SGCZ: variants seen among roughly 807,000 people sequenced by gnomAD.
SGCZ encodes the protein sarcoglycan zeta.
A neutral mutation model predicts 41.3 loss-of-function variants in SGCZ; 40 were observed. The observed-to-expected ratio is 0.97, with a 90% CI of 0.75 to 1.26. The LOEUF is 1.26. Ranked by LOEUF, SGCZ falls within the 50% of genes most tolerant of loss-of-function variation. The pLI is 0.00. For missense variants in SGCZ, 552 were observed against 369.8 expected (o/e 1.49, Z -4.04); for synonymous variants, 206 against 137.5 (o/e 1.50, Z -3.49).
intron 2 of SGCZ, among the ~76,000 whole-genome samples, chr8:14,386,473 C>T (rs3860041): frequency 0.015 from 2,271 of 152,254 alleles, 59 homozygotes; most frequent in African/African-American, 0.051. Context: ...AAATCTGATA[C>T]TGAACACACA....
chr8:14,375,284 T>C (rs903307480), intron 2 of SGCZ, among the ~76,000 whole-genome samples: 35 of 152,124 alleles, frequency 2.3e-4, no homozygotes, highest in African/African-American at 8.2e-4. Context: ...CAAGAAACTA[T>C]TGGAAATGCA....
intron 1 of SGCZ, among the ~76,000 whole-genome samples, chr8:14,983,094 C>A (rs1018170631): frequency 4.6e-5 from 7 of 152,036 alleles, no homozygotes; most frequent in Admixed American, 3.3e-4. Context: ...TGAGTTAATA[C>A]ATGTTAATAA....
chr8:14,143,324 A>G (rs546439754), intron 5 of SGCZ, among the ~76,000 whole-genome samples: 9 of 152,306 alleles, frequency 5.9e-5, no homozygotes, highest in African/African-American at 1.7e-4. Context: ...CCATTTTTGT[A>G]TAGCAGGAAA....
intron 2 of SGCZ, among the ~76,000 whole-genome samples, chr8:14,390,964 G>A (rs1804749703): frequency 6.6e-6 from 1 of 151,982 alleles, no homozygotes; most frequent in Admixed American, 6.6e-5. Context: ...AATAGGTTGG[G>A]GGGATATCCA....
At chr8:14,463,752 G>A (rs1196329208) in intron 2 of SGCZ, among the ~76,000 whole-genome samples, 4 of 151,616 alleles carry the variant, frequency 2.6e-5, no homozygotes, top group African/African-American at 7.3e-5. Flanking sequence ...GATGTTTGCT[G>A]TTTTTCTAGA....
chr8:14,584,598 T>C (rs1471342893), intron 1 of SGCZ, among the ~76,000 whole-genome samples: 5 of 152,142 alleles, frequency 3.3e-5, no homozygotes, highest in African/African-American at 1.2e-4. Context: ...AGTAATCTTA[T>C]TTTGAGCAAA....
intron 2 of SGCZ, among the ~76,000 whole-genome samples, chr8:14,529,131 T>C (rs1408755482): frequency 6.6e-6 from 1 of 152,146 alleles, no homozygotes; most frequent in Non-Finnish European, 1.5e-5. Flanking sequence ...AGCACATGTG[T>C]AGTTCAGCAT....
chr8:14,253,824 G>T lies in SGCZ; in HGVS notation c.337-16145C>A, dbSNP rs183112822. ...CATCTAATAAACATTAGCAAATATTGGTATAAATAATTTTTTCTCTCAAAG... is the reference window on the plus strand; with the variant it reads ...CATCTAATAAACATTAGCAAATATTTGTATAAATAATTTTTTCTCTCAAAG... On this transcript the variant is annotated intron_variant, in intron 3 of 7. Coordinates refer to ENST00000382080, the MANE Select transcript of SGCZ (RefSeq NM_139167.4). 2.6e-3 allele frequency among the ~76,000 whole-genome samples: 393 copies of T among 152,010 alleles called. 4 individuals are homozygous for T. Among genetic ancestry groups the T allele is most frequent in the Non-Finnish European group, 8.7e-4 (59 of 67,956 alleles).
intron 1 of SGCZ, among the ~76,000 whole-genome samples, chr8:15,032,122 T>A (rs1324189550): frequency 6.6e-6 from 1 of 152,110 alleles, no homozygotes; most frequent in East Asian, 1.9e-4. Flanking sequence ...TACAATAGCA[T>A]ATATTTGGTA....
intron 3 of SGCZ, among the ~76,000 whole-genome samples, chr8:14,246,323 A>C (rs1563209703): frequency 6.6e-6 from 1 of 152,122 alleles, no homozygotes; most frequent in South Asian, 2.1e-4. Context: ...GGAAATCATC[A>C]TTCTCAGTAA....
intron 1 of SGCZ, among the ~76,000 whole-genome samples, chr8:14,861,791 T>C (rs1441532532): frequency 6.6e-6 from 1 of 152,088 alleles, no homozygotes; most frequent in Non-Finnish European, 1.5e-5. Flanking sequence ...ATCGAGATAT[T>C]CCTTAGGGGG....
intron 2 of SGCZ, among the ~76,000 whole-genome samples, chr8:14,453,123 T>C (rs753473786): frequency 2.0e-5 from 3 of 152,032 alleles, no homozygotes; most frequent in Non-Finnish European, 4.4e-5. Context: ...ATAATAATAA[T>C]AATGATTCTC....
chr8:15,231,342 TATC>T (rs1801931821), intron 1 of SGCZ, among the ~76,000 whole-genome samples: 2 of 152,186 alleles, frequency 1.3e-5, no homozygotes, highest in Admixed American at 1.3e-4. Context: ...AATTGTGGCT[TATC>T]ATATTTTTCA....
chr8:14,166,415 G>A (rs2116989068), intron 4 of SGCZ, among the ~76,000 whole-genome samples: 1 of 152,226 alleles, frequency 6.6e-6, no homozygotes, highest in East Asian at 1.9e-4. Context: ...ATGAGCCATA[G>A]TAATCCAACT....
chr8:14,660,377 G>A (rs1807708210), intron 1 of SGCZ, among the ~76,000 whole-genome samples: 1 of 151,796 alleles, frequency 6.6e-6, no homozygotes, highest in Admixed American at 6.6e-5. Context: ...TTTGAGACCA[G>A]CCTAGGCAAC....
chr8:14,867,040 G>C (rs115025514), intron 1 of SGCZ, among the ~76,000 whole-genome samples: 3,598 of 152,108 alleles, frequency 0.024, 52 homozygotes, highest in Middle Eastern at 0.048. Context: ...TTTCACCAAG[G>C]TGTTTTTTGT....
intron 1 of SGCZ, among the ~76,000 whole-genome samples, chr8:15,097,868 ATATATATAT>A (rs1806431448): frequency 3.3e-5 from 1 of 29,854 alleles, no homozygotes; most frequent in Admixed American, 5.2e-4. Context: ...GTGTGTGTGT[ATATATATAT>A]ATATACGTGT....
intron 2 of SGCZ, among the ~76,000 whole-genome samples, chr8:14,332,943 G>GTA (rs911573521): frequency 2.7e-5 from 4 of 149,420 alleles, no homozygotes; most frequent in South Asian, 2.1e-4. Context: ...ACATATATGT[G>GTA]TATATATATA....
intron 1 of SGCZ, among the ~76,000 whole-genome samples, chr8:15,221,170 T>C (rs1360338475): frequency 6.6e-6 from 1 of 151,918 alleles, no homozygotes; most frequent in African/African-American, 2.4e-5. Context: ...AAAAGAAAAT[T>C]ACATAAGCAA....
Sources: gnomAD v4.1 joint callset for allele counts (sites outside exome capture counted in the v4.1 genomes callset) on GRCh38, gnomAD v4.1.1 for gene constraint, MANE v1.5 for transcripts, NCBI Gene and HGNC (gene_info 2026-07-23, HGNC 2026-07-21) for gene names.